RBFOX1: variants seen among roughly 807,000 people sequenced by gnomAD.
RBFOX1 encodes RNA binding fox-1 homolog 1, also known as RNA binding protein fox-1 homolog 1.
RBFOX1 carries 8 observed loss-of-function variants against 57.7 expected under a neutral mutation model. That is an observed-to-expected ratio of 0.14 (90% confidence interval 0.08 to 0.25). RBFOX1 has a LOEUF of 0.25. RBFOX1 is among the 10% of genes least tolerant of loss of function. The probability of loss-of-function intolerance (pLI) is 1.00; values close to 1 mark genes in which losing one functional copy is unlikely to be tolerated. For synonymous variants in RBFOX1, 326 were observed against 222.4 expected, an observed-to-expected ratio of 1.47 and a Z score of -4.15; for missense variants, 611 against 548.5, an observed-to-expected ratio of 1.11 and a Z score of -1.14.
intron 4 of RBFOX1, among the ~76,000 whole-genome samples, chr16:7,342,846 G>A (rs898522698): frequency 2.0e-5 from 3 of 152,178 alleles, no homozygotes; most frequent in Non-Finnish European, 4.4e-5. Context: ...GAATGACTAA[G>A]TCCCAGCCTC....
At chr16:5,665,290 C>G (rs186616373) in intron 3 of RBFOX1, among the ~76,000 whole-genome samples, 16 of 152,288 alleles carry the variant, frequency 1.1e-4, no homozygotes, top group African/African-American at 2.6e-4. Context: ...TCCATGTCCC[C>G]TCTGCCCCAA....
chr16:7,414,380 G>T (rs986368985), intron 4 of RBFOX1, among the ~76,000 whole-genome samples: 2 of 152,176 alleles, frequency 1.3e-5, no homozygotes, highest in Non-Finnish European at 2.9e-5. Flanking sequence ...AAGTCTTTCT[G>T]AGAAGATTAC....
intron 3 of RBFOX1, among the ~76,000 whole-genome samples, chr16:5,768,446 C>T (rs945207416): frequency 9.2e-5 from 14 of 152,108 alleles, no homozygotes. Context: ...TACTTGTTTC[C>T]CCACCTTCCA....
intron 3 of RBFOX1, among the ~76,000 whole-genome samples, chr16:6,903,849 C>T (rs569076925): frequency 2.6e-5 from 4 of 152,160 alleles, no homozygotes; most frequent in East Asian, 3.9e-4. Context: ...AGGGAATGCA[C>T]GTCATTACTT....
chr16:6,344,382 T>C (rs1326712455), intron 2 of RBFOX1, among the ~76,000 whole-genome samples: 1 of 139,762 alleles, frequency 7.2e-6, no homozygotes, highest in Admixed American at 7.2e-5. Context: ...TCTTTCCTTC[T>C]CTCTTCTTCT....
intron 4 of RBFOX1, among the ~76,000 whole-genome samples, chr16:7,117,381 A>G (rs1044177705): frequency 2.6e-5 from 4 of 152,170 alleles, no homozygotes; most frequent in African/African-American, 9.6e-5. Context: ...AAGTATGTGG[A>G]TGTGAAGGGA....
intron 3 of RBFOX1, among the ~76,000 whole-genome samples, chr16:6,869,021 C>A (rs1462133760): frequency 6.6e-6 from 1 of 152,154 alleles, no homozygotes; most frequent in Non-Finnish European, 1.5e-5. Flanking sequence ...ACAAAAGTTC[C>A]AGCCAACCTG....
intron 4 of RBFOX1, among the ~76,000 whole-genome samples, chr16:7,446,590 C>G (rs573260017): frequency 2.0e-5 from 3 of 152,110 alleles, no homozygotes; most frequent in Admixed American, 6.5e-5. Flanking sequence ...TGACTAGTGT[C>G]CTATAGTTCT....
intron 1 of RBFOX1, among the ~76,000 whole-genome samples, chr16:6,285,227 A>T (rs2076778599): frequency 6.6e-6 from 1 of 152,204 alleles, no homozygotes; most frequent in African/African-American, 2.4e-5. Flanking sequence ...CAGATACTAA[A>T]TATGTTAAGC....
At chr16:6,588,524 A>G (rs1282553144) in intron 2 of RBFOX1, among the ~76,000 whole-genome samples, 1 of 151,700 alleles carries the variant, frequency 6.6e-6, no homozygotes. Context: ...GTGGTGGTGC[A>G]CACCCGTAAC....
chr16:7,534,722 C>T (rs1351844143), intron 5 of RBFOX1, among the ~76,000 whole-genome samples: 1 of 152,120 alleles, frequency 6.6e-6, no homozygotes, highest in Non-Finnish European at 1.5e-5. Flanking sequence ...AGTAAGGGTT[C>T]CTAGGATAGG....
At chr16:5,246,318 T>C (rs866528643) in intron 1 of RBFOX1, among the ~76,000 whole-genome samples, 3 of 152,226 alleles carry the variant, frequency 2.0e-5, no homozygotes, top group African/African-American at 7.2e-5. Flanking sequence ...ATCTTGTTTT[T>C]TGGAGTTGTT....
intron 4 of RBFOX1, among the ~76,000 whole-genome samples, chr16:7,064,750 G>A (rs781493508): frequency 1.3e-4 from 20 of 152,128 alleles, no homozygotes; most frequent in Non-Finnish European, 2.6e-4. Context: ...AAAATCAAAA[G>A]CAAATGAACA....
chr16:5,302,609 G>T (rs1186445070), intron 1 of RBFOX1, among the ~76,000 whole-genome samples: 1 of 152,074 alleles, frequency 6.6e-6, no homozygotes, highest in Non-Finnish European at 1.5e-5. Flanking sequence ...CTGTTAATAG[G>T]TACAGCATAC....
intron 3 of RBFOX1, among the ~76,000 whole-genome samples, chr16:6,868,510 C>T (rs1400444197): frequency 3.3e-5 from 5 of 152,016 alleles, no homozygotes; most frequent in African/African-American, 1.2e-4. Flanking sequence ...CTCACTCTGT[C>T]ACCCAGGCTG....
At chr16:7,415,102 C>T (rs2098465750) in intron 4 of RBFOX1, among the ~76,000 whole-genome samples, 2 of 152,182 alleles carry the variant, frequency 1.3e-5, no homozygotes. Flanking sequence ...TTAGCAGTAC[C>T]AACTGTAATC....
At chr16:6,606,882 A>G (rs112426853) in intron 2 of RBFOX1, among the ~76,000 whole-genome samples, 233 of 152,204 alleles carry the variant, frequency 1.5e-3, no homozygotes, top group African/African-American at 5.3e-3. Flanking sequence ...CAGTAATAGG[A>G]TTGCTGGGTC....
chr16:5,779,005 T>A, intron 3 of RBFOX1, among the ~76,000 whole-genome samples: 1 of 152,210 alleles, frequency 6.6e-6, no homozygotes, highest in Non-Finnish European at 1.5e-5. Context: ...AATTGTATAT[T>A]GAGCCCTCAT....
intron 3 of RBFOX1, among the ~76,000 whole-genome samples, chr16:6,860,925 C>A (rs1421321989): frequency 1.3e-5 from 2 of 151,702 alleles, no homozygotes; most frequent in South Asian, 4.2e-4. Flanking sequence ...ATGAATGTGC[C>A]CAAAAATATA....
Sources: gnomAD v4.1 joint callset for allele counts (sites outside exome capture counted in the v4.1 genomes callset) on GRCh38, gnomAD v4.1.1 for gene constraint, MANE v1.5 for transcripts, NCBI Gene and HGNC (gene_info 2026-07-23, HGNC 2026-07-21) for gene names.